BAZ2B: variants seen among roughly 807,000 people sequenced by gnomAD.
The protein encoded by BAZ2B is bromodomain adjacent to zinc finger domain 2B, also known as bromodomain adjacent to zinc finger domain protein 2B.
A neutral mutation model predicts 246.0 loss-of-function variants in BAZ2B; 91 were observed. The observed-to-expected ratio is 0.37, with a 90% CI of 0.31 to 0.44. The LOEUF (loss-of-function observed/expected upper bound fraction) is 0.44. BAZ2B is among the 20% of genes least tolerant of loss of function. The probability of loss-of-function intolerance (pLI) is 1.00; values close to 1 mark genes in which losing one functional copy is unlikely to be tolerated. For missense variants in BAZ2B, 2,332 were observed against 2,533.7 expected (o/e 0.92, Z 1.71); for synonymous variants, 855 against 860.0 (o/e 0.99, Z 0.10).
chr2:159,599,253 C>T (rs1164508646), intron 1 of BAZ2B, among the ~76,000 whole-genome samples: 1 of 152,146 alleles, frequency 6.6e-6, no homozygotes, highest in East Asian at 1.9e-4. Flanking sequence ...TAGCCTGGTC[C>T]CTGTCTTACA....
chr2:159,346,358 AG>A, intron 31 of BAZ2B, among the ~76,000 whole-genome samples: 1 of 152,240 alleles, frequency 6.6e-6, no homozygotes, highest in Non-Finnish European at 1.5e-5. Flanking sequence ...GAATAAAGCA[AG>A]GCATTTCAAA....
At chr2:159,350,383 C>A in intron 27 of BAZ2B, 26 bp from the exon 28 acceptor site, 1 of 1,467,026 alleles carries the variant, frequency 6.8e-7, no homozygotes, top group Non-Finnish European at 9.0e-7. Flanking sequence ...GCATTATGAA[C>A]ATCAGTTACT....
At chr2:159,336,825 C>A in intron 33 of BAZ2B, 117 bp downstream of exon 33, 1 of 866,408 alleles carries the variant, frequency 1.2e-6, no homozygotes, top group Non-Finnish European at 1.6e-6. Flanking sequence ...GAAAAACTCT[C>A]AAGTATAGCA....
rs776971084 is a variant in BAZ2B at position 159,446,951 on chromosome 2, C to T, written c.527G>A (p.Ser176Asn). The change falls in exon 6 of 37, where the codon AGT (serine) becomes AAT (asparagine). Residue 176 changes from serine (S) to asparagine (N), a missense_variant. Ser to Asn is a conservative substitution (Grantham distance 46). Coordinates refer to ENST00000392783, the MANE Select transcript of BAZ2B (RefSeq NM_013450.4). ...GATACCAATTACAGATGATGTATTA[C>T]TTCCATTTATTGACCCATTTACACC... ...EKGVNGSING[S>N]NTSSVIGINT... is the part of the protein sequence containing the mutation. 1 of 1,583,912 alleles carries T rather than the reference C, an allele frequency of 6.3e-7. No individual in the cohort carries two copies. Among genetic ancestry groups the T allele is most frequent in the East Asian group, 2.3e-5 (1 of 44,178 alleles).
intron 14 of BAZ2B, among the ~76,000 whole-genome samples, chr2:159,411,290 T>C (rs1438533697): frequency 6.6e-6 from 1 of 152,172 alleles, no homozygotes; most frequent in African/African-American, 2.4e-5. Flanking sequence ...TCCCAAAGCA[T>C]TAAGATTACA....
the BAZ2B span, among the ~76,000 whole-genome samples, chr2:159,669,758 T>C: frequency 6.6e-6 from 1 of 152,182 alleles, no homozygotes; most frequent in Non-Finnish European, 1.5e-5. Context: ...TTACTTTCAA[T>C]ATATTTGTAT....
At chr2:159,564,749 T>A (rs1201580138) in intron 1 of BAZ2B, among the ~76,000 whole-genome samples, 1 of 152,172 alleles carries the variant, frequency 6.6e-6, no homozygotes, top group African/African-American at 2.4e-5. Context: ...ACCAAGAGTG[T>A]GATCTTGACA....
At chr2:159,351,897 T>C (rs996166792) in intron 27 of BAZ2B, among the ~76,000 whole-genome samples, 3 of 152,216 alleles carry the variant, frequency 2.0e-5, no homozygotes, top group African/African-American at 7.2e-5. Context: ...TTTCTACCTA[T>C]TCCTTCAATC....
At chr2:159,608,047 T>C (rs1044993691) in intron 1 of BAZ2B, among the ~76,000 whole-genome samples, 2 of 152,214 alleles carry the variant, frequency 1.3e-5, no homozygotes, top group African/African-American at 2.4e-5. Context: ...ACGTCTAAAT[T>C]TTCTGTTTTG....
In BAZ2B at chr2:159,439,043, G is replaced by A; in HGVS notation, c.866C>T (p.Ser289Leu). 1 of 1,613,730 alleles carries A rather than the reference G, an allele frequency of 6.2e-7. No homozygotes were observed. Among genetic ancestry groups the A allele is most frequent in the Non-Finnish European group, 8.5e-7 (1 of 1,179,932 alleles). ...ACTTTTATGTTGTGCTTCACTCTCTGAATCAGAATCATCATCTTCACTTTC... is the reference window on the plus strand; with the variant it reads ...ACTTTTATGTTGTGCTTCACTCTCTAAATCAGAATCATCATCTTCACTTTC... The part of the protein sequence containing the change: ...IEESEDDDSD[S>L]ESEAQHKSNN... Residue 289 changes from serine (S) to leucine (L), a missense_variant, in exon 7 of 37, where the codon TCA becomes TTA. Coordinates refer to ENST00000392783, the MANE Select transcript of BAZ2B (RefSeq NM_013450.4).
chr2:159,479,778 T>A (rs1354278057), intron 2 of BAZ2B, among the ~76,000 whole-genome samples: 1 of 152,176 alleles, frequency 6.6e-6, no homozygotes, highest in African/African-American at 2.4e-5. Context: ...AGATAAGATA[T>A]ATATGGGGAA....
chr2:159,539,802 T>A (rs531830668), intron 2 of BAZ2B, among the ~76,000 whole-genome samples: 1 of 152,298 alleles, frequency 6.6e-6, no homozygotes, highest in East Asian at 1.9e-4. Flanking sequence ...TTAAATGATA[T>A]CTGCCTACCT....
At chr2:159,467,773 T>C (rs1479935753) in intron 3 of BAZ2B, among the ~76,000 whole-genome samples, 2 of 152,134 alleles carry the variant, frequency 1.3e-5, no homozygotes, top group Non-Finnish European at 2.9e-5. Context: ...CCTGAAATAC[T>C]GGAAAGCATC....
intron 27 of BAZ2B, among the ~76,000 whole-genome samples, chr2:159,371,246 G>T (rs996715864): frequency 6.6e-6 from 1 of 152,104 alleles, no homozygotes; most frequent in South Asian, 2.1e-4. Flanking sequence ...GGGTTCAAGC[G>T]ATTCTTGTGC....
At chr2:159,474,769 T>C (rs1159070727) in intron 3 of BAZ2B, among the ~76,000 whole-genome samples, 1 of 152,196 alleles carries the variant, frequency 6.6e-6, no homozygotes, top group Admixed American at 6.5e-5. Flanking sequence ...CAAAATCTCT[T>C]AGCATTTGCT....
At chr2:159,494,685 T>G (rs2080877724) in intron 2 of BAZ2B, among the ~76,000 whole-genome samples, 1 of 152,226 alleles carries the variant, frequency 6.6e-6, no homozygotes, top group African/African-American at 2.4e-5. Flanking sequence ...TACTAGTCTT[T>G]TATTCTATAT....
the BAZ2B span, among the ~76,000 whole-genome samples, chr2:159,709,961 G>A: frequency 1.4e-5 from 2 of 147,302 alleles, no homozygotes; most frequent in Non-Finnish European, 3.0e-5. Flanking sequence ...GAGGGCAAGT[G>A]GTGAACAAAG....
chr2:159,577,734 A>T (rs984539925), intron 1 of BAZ2B, among the ~76,000 whole-genome samples: 1 of 152,234 alleles, frequency 6.6e-6, no homozygotes, highest in African/African-American at 2.4e-5. Context: ...TTCAGTTTAG[A>T]TTGACCAAAG....
At chr2:159,478,941 C>T (rs1295433644) in intron 2 of BAZ2B, among the ~76,000 whole-genome samples, 1 of 151,598 alleles carries the variant, frequency 6.6e-6, no homozygotes, top group Non-Finnish European at 1.5e-5. Flanking sequence ...TTTCTTATAC[C>T]CCCCAAATTA....
Sources: allele counts gnomAD v4.1 joint callset (sites outside exome capture counted in the v4.1 genomes callset), GRCh38; gene constraint gnomAD v4.1.1; transcripts MANE v1.5; gene names NCBI Gene and HGNC (gene_info 2026-07-23, HGNC 2026-07-21).